NFATC1: variants seen among roughly 807,000 people sequenced by gnomAD.
The protein encoded by NFATC1 is nuclear factor of activated T cells 1, also known as nuclear factor of activated T-cells, cytoplasmic 1.
A neutral mutation model predicts 76.0 loss-of-function variants in NFATC1; 22 were observed. That is an observed-to-expected ratio of 0.29 (90% CI 0.21 to 0.41). NFATC1 has a LOEUF of 0.41. NFATC1 is among the 10% of genes least tolerant of loss of function. The pLI is 1.00. For synonymous variants in NFATC1, 704 were observed against 613.1 expected, an observed-to-expected ratio of 1.15 and a Z score of -2.19; for missense variants, 1,357 against 1,337.7, an observed-to-expected ratio of 1.01 and a Z score of -0.23.
rs553953793 is a variant in NFATC1 at position 79,430,209 on chromosome 18, G to A, written c.1227-3370G>A. Among the ~76,000 whole-genome samples, 5 of 152,340 alleles carry A rather than the reference G, an allele frequency of 3.3e-5. No individual in the cohort carries two copies. In the East Asian group the frequency reaches 9.6e-4, roughly 29 times the overall value. On this transcript the variant is annotated intron_variant, in intron 2 of 9. Coordinates refer to ENST00000427363, the MANE Select transcript of NFATC1 (RefSeq NM_001278669.2). ...CTTATGTAATAGTCAGCTGCAGAGT[G>A]GTTTAGACTGCCTTATCTTTAGGAA...
At chr18:79,451,975 C>T (rs371151727) in intron 6 of NFATC1, 159 bp downstream of exon 6, 37 of 833,642 alleles carry the variant, frequency 4.4e-5, no homozygotes, top group African/African-American at 3.0e-4. Flanking sequence ...TGTCTGCATC[C>T]GGCTGTGGGT....
intron 9 of NFATC1, among the ~76,000 whole-genome samples, 169 bp downstream of exon 9, chr18:79,487,106 C>T (rs1228297380): frequency 4.6e-5 from 7 of 152,160 alleles, no homozygotes; most frequent in African/African-American, 1.4e-4. Flanking sequence ...GGTGCCACGG[C>T]GTCAGCGCCA....
chr18:79,424,975 C>CTCTCTG (rs200805686), intron 2 of NFATC1, among the ~76,000 whole-genome samples: 43,489 of 144,840 alleles, frequency 0.3, 7,737 homozygotes, highest in African/African-American at 0.5. Flanking sequence ...CCGTCTCTGT[C>CTCTCTG]TCTCTGTCTC....
intron 6 of NFATC1, 70 bp from the exon 7 acceptor site, chr18:79,461,241 C>T (rs1192877114): frequency 1.9e-5 from 30 of 1,573,298 alleles, no homozygotes; most frequent in African/African-American, 4.1e-5. Context: ...GTCTGGATCA[C>T]GTGGGGGTGT....
chr18:79,484,115 C>CTT (rs1569019093), intron 8 of NFATC1, among the ~76,000 whole-genome samples: 1 of 151,896 alleles, frequency 6.6e-6, no homozygotes, highest in Non-Finnish European at 1.5e-5. Context: ...GGGTGGCTGA[C>CTT]GAGGCGGGGG....
In NFATC1 at chr18:79,476,480, T is replaced by C. The variant is rs182667935; in HGVS notation, c.2092+8898T>C. Among the ~76,000 whole-genome samples, 1,479 of 152,362 alleles carry C rather than the reference T, an allele frequency of 9.7e-3. 6 individuals carry two copies. Among genetic ancestry groups the C allele is most frequent in the Non-Finnish European group, 0.016 (1,086 of 68,026 alleles). ...CAACAGATCCCACCTCACTGTGCCC[T>C]GGAGCAGCACGGGGCCACCACACAG... On this transcript the variant is annotated intron_variant, in intron 8 of 9. Transcript: ENST00000427363.
chr18:79,476,893 G>A (rs2089096005), intron 8 of NFATC1, among the ~76,000 whole-genome samples: 1 of 152,208 alleles, frequency 6.6e-6, no homozygotes. Context: ...ATGCCTTCCT[G>A]GAAACCTTGG....
chr18:79,400,249 A>G, intron 1 of NFATC1: 28 of 1,120,646 alleles, frequency 2.5e-5, no homozygotes, highest in Non-Finnish European at 2.9e-5. Context: ...AAACCCGGAA[A>G]CGCCCCGGGG....
chr18:79,478,372 CTACGT>C (rs1416795769), intron 8 of NFATC1, among the ~76,000 whole-genome samples: 4 of 152,094 alleles, frequency 2.6e-5, no homozygotes, highest in African/African-American at 9.7e-5. Flanking sequence ...GCCAAGGGGA[CTACGT>C]TGGGAGGAGG....
intron 9 of NFATC1, among the ~76,000 whole-genome samples, chr18:79,488,611 G>A (rs751634833): frequency 6.6e-6 from 1 of 152,202 alleles, no homozygotes; most frequent in South Asian, 2.1e-4. Context: ...GAGGCCAGCC[G>A]GAGCTCCGCA....
chr18:79,514,535 C>T (rs2090332097), intron 9 of NFATC1, among the ~76,000 whole-genome samples: 1 of 138,652 alleles, frequency 7.2e-6, no homozygotes, highest in Admixed American at 8.0e-5. Context: ...CACTGCATCT[C>T]CAGCCAGTGA....
chr18:79,443,418 C>T (rs574833176), intron 3 of NFATC1, among the ~76,000 whole-genome samples: 10 of 152,358 alleles, frequency 6.6e-5, no homozygotes, highest in African/African-American at 2.2e-4. Flanking sequence ...GTGAGGGCAG[C>T]GCCCACTACT....
chr18:79,446,217 T>C (rs2087200546), intron 3 of NFATC1, among the ~76,000 whole-genome samples: 1 of 152,172 alleles, frequency 6.6e-6, no homozygotes, highest in Admixed American at 6.5e-5. Flanking sequence ...ACCTCCCAGG[T>C]GAAACCTTAA....
chr18:79,402,462 A>G (rs657693), intron 1 of NFATC1: 351,242 of 926,960 alleles, frequency 0.38, 69,544 homozygotes, highest in African/African-American at 0.65. Context: ...GAAGCCGTGA[A>G]CCTCACCCTC....
rs1299760635 is a variant in NFATC1, at chr18:79,396,065, C to T, written c.-160C>T. ...AGGTCCTAGGGCCGCGGCCGGGCCCCGCCACGCGCGCACACGCCCCTCGAT... is the reference window on the plus strand; with the variant it reads ...AGGTCCTAGGGCCGCGGCCGGGCCCTGCCACGCGCGCACACGCCCCTCGAT... On this transcript the variant is annotated 5_prime_UTR_variant, in exon 1 of 10. Coordinates refer to ENST00000427363, the MANE Select transcript of NFATC1 (RefSeq NM_001278669.2). 3.2e-4 allele frequency: 292 copies of T among 918,000 alleles called. 1 individual carries two copies. The highest frequency in any genetic ancestry group is 2.7e-3 in the Middle Eastern group (6 of 2,248). The allele number at this position is 918,000 out of a possible 1,614,324, so 56.9% of individuals were successfully genotyped here. A position where few individuals can be genotyped will look rare whatever the true frequency, so the allele number is the denominator to read the frequency against.
chr18:79,489,992 G>A (rs543370927), intron 9 of NFATC1, among the ~76,000 whole-genome samples: 20 of 152,356 alleles, frequency 1.3e-4, no homozygotes, highest in African/African-American at 2.9e-4. Context: ...GGTGATGTCC[G>A]TTTCATCTCC....
chr18:79,504,034 G>C (rs1176980428), intron 9 of NFATC1, among the ~76,000 whole-genome samples: 2 of 152,228 alleles, frequency 1.3e-5, no homozygotes, highest in Non-Finnish European at 2.9e-5. Flanking sequence ...TTTGGCTTAA[G>C]GGAGTGTTGT....
Position 79,467,530 on chromosome 18 carries a change from C to T in NFATC1, c.2040C>T (p.Asn680=), listed in dbSNP as rs143940628. ...SPVHVSFYVC[N]GKRKRSQYQR... ...TTCACGTCAGTTTCTACGTCTGCAA[C>T]GGGAAGAGAAAGCGAAGCCAGTACC... Residue 680 remains asparagine, a synonymous_variant, in exon 8 of 10, where the codon AAC becomes AAT. Coordinates refer to ENST00000427363, the MANE Select transcript of NFATC1 (RefSeq NM_001278669.2). 107 of 1,613,822 alleles carry T rather than the reference C, an allele frequency of 6.6e-5. No individual in the cohort carries two copies. The highest frequency in any genetic ancestry group is 8.3e-5 in the Non-Finnish European group (98 of 1,179,970).
At chr18:79,491,899 G>A (rs2089690795) in intron 9 of NFATC1, among the ~76,000 whole-genome samples, 1 of 152,160 alleles carries the variant, frequency 6.6e-6, no homozygotes, top group Non-Finnish European at 1.5e-5. Flanking sequence ...TCAGAGCTGT[G>A]GGTCCATGAA....
Sources: allele counts gnomAD v4.1 joint callset (sites outside exome capture counted in the v4.1 genomes callset), GRCh38; gene constraint gnomAD v4.1.1; transcripts MANE v1.5; gene names NCBI Gene and HGNC (gene_info 2026-07-23, HGNC 2026-07-21).